The following HERC1 variants were observed in gnomAD, a reference collection of about 807,000 sequenced individuals.
HERC1 encodes the protein probable E3 ubiquitin-protein ligase HERC1.
Under a neutral mutation model 554.3 loss-of-function variants are expected in HERC1, and 160 were observed. That is an observed-to-expected ratio of 0.29 (90% CI 0.25 to 0.33). The LOEUF (loss-of-function observed/expected upper bound fraction) is 0.33. HERC1 is among the 10% of genes least tolerant of loss of function. The pLI is 1.00. For synonymous variants in HERC1, 2,175 were observed against 2,131.7 expected (o/e 1.02, Z -0.56); for missense variants, 4,919 against 5,918.5 (o/e 0.83, Z 5.54).
intron 12 of HERC1, among the ~76,000 whole-genome samples, chr15:63,744,152 GTGTGTGTGTGTGTCTC>G (rs1434515852): frequency 8.9e-4 from 37 of 41,638 alleles, no homozygotes; most frequent in Non-Finnish European, 1.8e-3. Context: ...GTGTGTGTGT[GTGTGTGTGTGTGTCTC>G]TCTCTCTCTC....
chr15:63,747,227 A>T (rs545998511), intron 11 of HERC1, 144 bp from the exon 12 acceptor site: 69 of 650,044 alleles, frequency 1.1e-4, no homozygotes, highest in Admixed American at 5.7e-5. Flanking sequence ...TGGGAGGCGG[A>T]GGTGGGTGGA....
intron 25 of HERC1, among the ~76,000 whole-genome samples, chr15:63,700,397 T>G (rs912270691): frequency 5.3e-4 from 80 of 151,944 alleles, no homozygotes; most frequent in African/African-American, 1.9e-3. Context: ...TAGAAAAGTT[T>G]GGGAAGATAA....
At position 63,677,859 on chromosome 15, in the gene HERC1, T is replaced by C. The variant is rs745583638; in HGVS notation, c.7056A>G (p.Ala2352=). 27 of 1,613,418 alleles carry C rather than the reference T, an allele frequency of 1.7e-5. No individual in the cohort carries two copies. The Admixed American group carries it at 4.5e-4, about 27-fold the overall frequency. ...STSAKVQWDE[A]EITISFPTFW... ...ACAGATCATACCTGATAGTAATTTCTGCTTCATCCCATTGGACCTTGGCAG... is the reference window on the plus strand; with the variant it reads ...ACAGATCATACCTGATAGTAATTTCCGCTTCATCCCATTGGACCTTGGCAG... The change falls in exon 37 of 78, where the codon GCA becomes GCG. Residue 2352 remains alanine (A), a synonymous_variant. Transcript: ENST00000443617. This position sits in a 1 kb window ranked among gnomAD's most constrained non-coding sequence, Gnocchi z 4.4.
chr15:63,693,754 A>C (rs2072254236), intron 30 of HERC1, among the ~76,000 whole-genome samples: 1 of 152,194 alleles, frequency 6.6e-6, no homozygotes, highest in South Asian at 2.1e-4. Flanking sequence ...TATGGTCACA[A>C]CATGAGGGTT....
intron 25 of HERC1, among the ~76,000 whole-genome samples, chr15:63,699,311 G>T (rs184621553): frequency 2.9e-3 from 444 of 152,320 alleles, no homozygotes; most frequent in African/African-American, 0.01. Context: ...AGCTTAAAAT[G>T]CTCTGCAGTA....
At chr15:63,786,660 T>C (rs1362001015) in intron 1 of HERC1, among the ~76,000 whole-genome samples, 1 of 152,220 alleles carries the variant, frequency 6.6e-6, no homozygotes, top group Non-Finnish European at 1.5e-5. Context: ...AAAGGCTATA[T>C]AATGTATGAT....
At chr15:63,768,150 T>A (rs2142705967) in intron 2 of HERC1, among the ~76,000 whole-genome samples, 1 of 152,398 alleles carries the variant, frequency 6.6e-6, no homozygotes, top group Non-Finnish European at 1.5e-5. Context: ...TCTCTGATTC[T>A]ATTCGACTGT....
chr15:63,796,473 T>G (rs182043846), intron 1 of HERC1, among the ~76,000 whole-genome samples: 2 of 152,322 alleles, frequency 1.3e-5, no homozygotes, highest in African/African-American at 2.4e-5. Flanking sequence ...GCTTCTAACC[T>G]CCATCATCGA....
chr15:63,777,739 G>A (rs2076155787), intron 1 of HERC1, among the ~76,000 whole-genome samples: 1 of 151,976 alleles, frequency 6.6e-6, no homozygotes, highest in Non-Finnish European at 1.5e-5. Context: ...TTGGTCAAAA[G>A]AGTATCCCTG....
intron 1 of HERC1, among the ~76,000 whole-genome samples, chr15:63,817,094 C>T (rs1040387047): frequency 8.6e-5 from 13 of 152,040 alleles, no homozygotes; most frequent in African/African-American, 3.1e-4. Context: ...GGGCAAACAA[C>T]CTGCTTTCTT....
Position 63,624,194 on chromosome 15 carries a change from T to A in HERC1, c.13409A>T (p.Tyr4470Phe), listed in dbSNP as rs1323842583. Reference protein sequence around the residue: ...IGKTMVQGKNYGPQITVKRIS... With the variant: ...IGKTMVQGKNFGPQITVKRIS... The stretch of plus-strand genomic sequence containing the variant: ...CCTCTTTACAGTTATCTGAGGTCCA[T>A]AGTTTTTGCCTTGAACCATGGTTTT... The change falls in exon 72 of 78, where the codon TAT becomes TTT. Residue 4470 changes from tyrosine (Y) to phenylalanine (F), a missense_variant. By Grantham distance (22) the Tyr-to-Phe change is conservative. Around this residue, in one of 11 missense-constraint regions of HERC1, gnomAD observed 410 missense variants for 467.0 expected, o/e 0.88. Coordinates refer to ENST00000443617, the MANE Select transcript of HERC1 (RefSeq NM_003922.4). 2 of 1,613,820 alleles carry A rather than the reference T, an allele frequency of 1.2e-6. No individual in the cohort carries two copies. The highest frequency in any genetic ancestry group is 2.7e-5 in the African/African-American group (2 of 74,942).
chr15:63,640,418 C>G lies in HERC1; in HGVS notation c.11635G>C (p.Val3879Leu). The change falls in exon 61 of 78, where the codon GTT becomes CTT. Residue 3879 changes from valine to leucine, a missense_variant. This residue lies in a region of HERC1 where 1,963 missense variants were observed against 2,228.6 expected (regional missense o/e 0.88). Transcript: ENST00000443617. ...AAGCATTGCATATAGGGGCTATGAA[C>G]AAGTTGGTCACCACAAACCACATGA... ...KPHVVCGDQLVHSPYMQCLAS... is the reference protein window; with the variant it reads ...KPHVVCGDQLLHSPYMQCLAS... The G allele has an allele frequency of 1.2e-6, 2 of 1,613,660 alleles. No homozygotes were observed. Among genetic ancestry groups the G allele is most frequent in the African/African-American group, 1.3e-5 (1 of 75,020 alleles).
intron 52 of HERC1, among the ~76,000 whole-genome samples, 189 bp downstream of exon 52, chr15:63,652,225 A>T (rs1013258548): frequency 2.0e-5 from 3 of 152,222 alleles, no homozygotes; most frequent in Non-Finnish European, 4.4e-5. Context: ...GATACAGATG[A>T]TTTAAAATTA....
At chr15:63,625,124 GCACACACACACACGCA>G (rs1053438127) in intron 71 of HERC1, among the ~76,000 whole-genome samples, 4 of 151,554 alleles carry the variant, frequency 2.6e-5, no homozygotes, top group African/African-American at 9.7e-5. Flanking sequence ...TCTCACGCAT[GCACACACACACACGCA>G]CGCACACACA....
Position 63,712,910 on chromosome 15 carries a change from C to T in HERC1, c.4464-15G>A, listed in dbSNP as rs116375944. 27 of 1,423,082 alleles carry T rather than the reference C, an allele frequency of 1.9e-5. No individual in the cohort carries two copies. Among genetic ancestry groups the T allele is most frequent in the Non-Finnish European group, 2.4e-5 (25 of 1,053,406 alleles). The allele number at this position is 1,423,082 out of a possible 1,614,324, so 88.2% of individuals were successfully genotyped here. A position where few individuals can be genotyped will look rare whatever the true frequency, so the allele number is the denominator to read the frequency against. On this transcript the variant is annotated splice_polypyrimidine_tract_variant and intron_variant, in intron 23 of 77. Coordinates refer to ENST00000443617, the MANE Select transcript of HERC1 (RefSeq NM_003922.4). ...GACTTTCACTCCTGTCTCACATGTA[C>T]AAAAAAAAAAGTTTTTTGATTTAGG...
intron 2 of HERC1, among the ~76,000 whole-genome samples, chr15:63,771,981 G>A (rs2075969410): frequency 6.6e-6 from 1 of 152,042 alleles, no homozygotes; most frequent in African/African-American, 2.4e-5. Context: ...AATTAGCTGG[G>A]CATGGTGGCA....
chr15:63,707,347 T>A (rs2073059617), intron 24 of HERC1, among the ~76,000 whole-genome samples: 1 of 152,210 alleles, frequency 6.6e-6, no homozygotes, highest in African/African-American at 2.4e-5. Flanking sequence ...TTTTTAAATG[T>A]CTTTTTAAAA....
chr15:63,724,300 A>C lies in HERC1; in HGVS notation c.3569-945T>G, dbSNP rs141838203. 7.2e-5 allele frequency among the ~76,000 whole-genome samples: 11 copies of C among 152,312 alleles called. No homozygotes were observed. The East Asian group carries it at 1.9e-3, about 27-fold the overall frequency. ...CTTTATCATGTTAAAGACCCCTTGA[A>C]AAACCATGATTTTACTTTCTTTAAC... On this transcript the variant is annotated intron_variant, in intron 18 of 77. Coordinates refer to ENST00000443617, the MANE Select transcript of HERC1 (RefSeq NM_003922.4).
Position 63,761,699 on chromosome 15 carries a change from A to C in HERC1, c.1026+2397T>G, listed in dbSNP as rs1181006161. On this transcript the variant is annotated intron_variant, in intron 3 of 77. Transcript: ENST00000443617. ...AATTTAGAAATTAATTTTTTCAGTA[A>C]TCATACAGCAGTAATTATTTGTCTT... 3.9e-5 allele frequency among the ~76,000 whole-genome samples: 6 copies of C among 152,208 alleles called. No homozygotes were observed. In the Middle Eastern group the frequency reaches 0.014, roughly 345 times the overall value.
Sources: gnomAD v4.1 joint callset for allele counts (sites outside exome capture counted in the v4.1 genomes callset) on GRCh38, gnomAD v4.1.1 for gene constraint, gnomAD v4.1.1 regional missense constraint, Gnocchi (gnomAD v3.1) non-coding constraint, MANE v1.5 for transcripts, NCBI Gene and HGNC (gene_info 2026-07-23, HGNC 2026-07-21) for gene names.